Variants in GPR89B observed in about 807,000 individuals in gnomAD.
GPR89B encodes the protein G protein-coupled receptor 89B.
A neutral mutation model predicts 52.4 loss-of-function variants in GPR89B; 25 were observed. The ratio of observed to expected loss-of-function variants is 0.48; its 90% CI spans 0.35 to 0.67. GPR89B has a LOEUF of 0.67. Among genes scored for constraint, GPR89B ranks in the 30% least tolerant of loss-of-function variants. The pLI is 0.01. For synonymous variants in GPR89B, 52 were observed against 151.2 expected (o/e 0.34, Z 4.81); for missense variants, 146 against 450.2 (o/e 0.32, Z 6.11).
chr1:148,002,331 C>G, the GPR89B span, among the ~76,000 whole-genome samples: 1 of 151,946 alleles, frequency 6.6e-6, no homozygotes. Flanking sequence ...CTTCTTCTAC[C>G]CTGAATGCAG....
intron 3 of GPR89B, among the ~76,000 whole-genome samples, chr1:147,940,200 A>C (rs1203420668): frequency 7.9e-5 from 12 of 151,872 alleles, no homozygotes; most frequent in Non-Finnish European, 1.6e-4. Flanking sequence ...TCAGGAGATC[A>C]AGACCATCCT....
chr1:147,978,456 A>G (rs1658000393), intron 10 of GPR89B, among the ~76,000 whole-genome samples: 1 of 151,770 alleles, frequency 6.6e-6, no homozygotes, highest in Admixed American at 6.5e-5. Context: ...GTCAGGAGGC[A>G]CGGGATCAGG....
intron 8 of GPR89B, chr1:147,968,376 A>G (rs1657183238): frequency 2.2e-6 from 1 of 453,900 alleles, no homozygotes; most frequent in Non-Finnish European, 4.4e-6. Flanking sequence ...ATGGCATAAG[A>G]CAATCCCATG....
At chr1:148,016,996 TCTTGCTTG>T in the GPR89B span, among the ~76,000 whole-genome samples, 139 of 151,180 alleles carry the variant, frequency 9.2e-4, 4 homozygotes, top group African/African-American at 1.4e-3. Context: ...TTTGGTTTTG[TCTTGCTTG>T]CTTGCTTGCT....
Position 147,989,754 on chromosome 1 carries a change from C to A in GPR89B, c.1095+1233C>A, listed in dbSNP as rs1220076155. On this transcript the variant is annotated intron_variant, in intron 12 of 13. Transcript: ENST00000314163. ...GCTTCATCCATGTCCCTACAAAGGACATGAACTCATCTTTTTTTATGGCTG... is the reference window on the plus strand; with the variant it reads ...GCTTCATCCATGTCCCTACAAAGGAAATGAACTCATCTTTTTTTATGGCTG... 1.1e-3 allele frequency among the ~76,000 whole-genome samples: 173 copies of A among 152,276 alleles called. 1 individual carries two copies. Among genetic ancestry groups the A allele is most frequent in the African/African-American group, 4.1e-3 (171 of 41,536 alleles).
intron 1 of GPR89B, among the ~76,000 whole-genome samples, chr1:147,930,192 A>T (rs188563794): frequency 5.7e-4 from 87 of 152,296 alleles, no homozygotes; most frequent in African/African-American, 2.0e-3. Flanking sequence ...TTAATTGTTA[A>T]ACCTGGTTTT....
the GPR89B span, among the ~76,000 whole-genome samples, chr1:148,002,321 C>T: frequency 6.6e-6 from 1 of 151,980 alleles, no homozygotes; most frequent in East Asian, 1.9e-4. Flanking sequence ...ACACATCCCA[C>T]TTCTTCTACC....
At chr1:148,020,507 C>T in the GPR89B span, among the ~76,000 whole-genome samples, 1 of 151,394 alleles carries the variant, frequency 6.6e-6, no homozygotes, top group Admixed American at 6.6e-5. Flanking sequence ...TTCTCGCCTC[C>T]CACCCGGGAG....
chr1:147,985,604 C>T (rs1200721656), intron 10 of GPR89B, among the ~76,000 whole-genome samples: 2 of 151,778 alleles, frequency 1.3e-5, no homozygotes, highest in South Asian at 2.1e-4. Flanking sequence ...TAATGCAGAC[C>T]ATTTACATTT....
At chr1:148,020,893 G>T in the GPR89B span, among the ~76,000 whole-genome samples, 1 of 151,500 alleles carries the variant, frequency 6.6e-6, no homozygotes, top group Non-Finnish European at 1.5e-5. Flanking sequence ...TCACCATGTT[G>T]GCTAGGCTGA....
At chr1:147,951,088 A>G (rs1553250978) in intron 5 of GPR89B, among the ~76,000 whole-genome samples, 1 of 151,940 alleles carries the variant, frequency 6.6e-6, no homozygotes, top group East Asian at 1.9e-4. Context: ...AAAACTTATT[A>G]CCATAGTGTC....
chr1:147,945,856 C>T (rs1286206303), intron 5 of GPR89B, among the ~76,000 whole-genome samples: 6 of 151,128 alleles, frequency 4.0e-5, no homozygotes, highest in African/African-American at 1.2e-4. Flanking sequence ...TCCTGAGTAA[C>T]GGGGACTATG....
intron 3 of GPR89B, among the ~76,000 whole-genome samples, chr1:147,942,434 A>T (rs1378163963): frequency 6.6e-6 from 1 of 151,784 alleles, no homozygotes. Flanking sequence ...TAGATTTATC[A>T]TATGACCCAA....
the GPR89B span, chr1:148,024,850 C>G: frequency 1.3e-5 from 2 of 152,052 alleles, no homozygotes. Flanking sequence ...GGGCCCTGAG[C>G]TGATCTCTGT....
At chr1:147,943,245 G>T (rs1401866233) in intron 3 of GPR89B, among the ~76,000 whole-genome samples, 193 bp from the exon 4 acceptor site, 1 of 151,946 alleles carries the variant, frequency 6.6e-6, no homozygotes, top group East Asian at 1.9e-4. Context: ...TGTTAAGATG[G>T]TCATACATAC....
At chr1:148,021,097 T>A in the GPR89B span, among the ~76,000 whole-genome samples, 1 of 152,034 alleles carries the variant, frequency 6.6e-6, no homozygotes, top group Non-Finnish European at 1.5e-5. Flanking sequence ...GCGACTTTTA[T>A]CGTCTCTGCT....
At chr1:148,017,403 A>T in the GPR89B span, among the ~76,000 whole-genome samples, 1 of 151,486 alleles carries the variant, frequency 6.6e-6, no homozygotes, top group African/African-American at 2.4e-5. Context: ...AATGGAGTAA[A>T]GAGGATGAAA....
chr1:147,970,569 C>CTCTCTATA (rs1553253167), intron 10 of GPR89B, among the ~76,000 whole-genome samples: 1 of 142,582 alleles, frequency 7.0e-6, no homozygotes. Flanking sequence ...CTCTCTCTCT[C>CTCTCTATA]TATATATATA....
the GPR89B span, among the ~76,000 whole-genome samples, chr1:147,999,029 C>A: frequency 6.6e-6 from 1 of 152,040 alleles, no homozygotes; most frequent in East Asian, 1.9e-4. Flanking sequence ...ACAGGTCTTA[C>A]TTTGGAGAGC....
Sources: gnomAD v4.1 joint callset for allele counts (sites outside exome capture counted in the v4.1 genomes callset) on GRCh38, gnomAD v4.1.1 for gene constraint, MANE v1.5 for transcripts, NCBI Gene and HGNC (gene_info 2026-07-23, HGNC 2026-07-21) for gene names.